The following TFEB variants were observed in gnomAD, a reference collection of about 807,000 sequenced individuals.
TFEB encodes the protein T-cell transcription factor EB.
TFEB carries 12 observed loss-of-function variants against 48.0 expected under a neutral mutation model. That is an observed-to-expected ratio of 0.25 (90% confidence interval 0.16 to 0.40). The LOEUF is 0.40. TFEB is among the 10% of genes least tolerant of loss of function. The probability of loss-of-function intolerance (pLI) is 1.00; values close to 1 mark genes in which losing one functional copy is unlikely to be tolerated. For missense variants in TFEB, 509 were observed against 640.3 expected (o/e 0.79, Z 2.21); for synonymous variants, 244 against 261.4 (o/e 0.93, Z 0.64).
intron 1 of TFEB, chr6:41,735,078 T>G (rs1393178409): frequency 4.6e-5 from 45 of 983,886 alleles, no homozygotes; most frequent in Non-Finnish European, 4.9e-5. Context: ...CCCGGTTACA[T>G]AAGGTCGCGG....
chr6:41,688,559 T>G (rs1769136004), intron 4 of TFEB, among the ~76,000 whole-genome samples: 1 of 151,988 alleles, frequency 6.6e-6, no homozygotes, highest in Admixed American at 6.6e-5. Flanking sequence ...GATACTGGAA[T>G]TTTGGAATGG....
rs975950175 is a variant in TFEB, at chr6:41,691,966, G to A, written c.-22-731C>T. 6.6e-6 allele frequency among the ~76,000 whole-genome samples: 1 copy of A among 152,010 alleles called. No homozygotes were observed. Among genetic ancestry groups the A allele is most frequent in the African/African-American group, 2.4e-5 (1 of 41,366 alleles). On this transcript the variant is annotated intron_variant, in intron 1 of 8. Coordinates refer to ENST00000373033, the MANE Select transcript of TFEB (RefSeq NM_001271944.2). This position sits in a 1 kb window ranked among gnomAD's most constrained non-coding sequence, Gnocchi z 5.2. ...CCACCTCAGGACCTTTGCACTTGCT[G>A]TTCCCTCTGCCTGGAATGCTCTCCC... is the stretch of plus-strand genomic sequence containing the variant.
At chr6:41,722,290 T>C (rs1339727855) in intron 1 of TFEB, among the ~76,000 whole-genome samples, 3 of 152,226 alleles carry the variant, frequency 2.0e-5, no homozygotes, top group East Asian at 3.8e-4. Context: ...CCATTCGCTA[T>C]ATTAATTTAA....
At chr6:41,726,590 G>T (rs959997824) in intron 1 of TFEB, among the ~76,000 whole-genome samples, 1 of 152,038 alleles carries the variant, frequency 6.6e-6, no homozygotes, top group Non-Finnish European at 1.5e-5. Flanking sequence ...ACAGGTGCGT[G>T]CCACAACACC....
At chr6:41,728,023 G>A (rs1190256031) in intron 1 of TFEB, among the ~76,000 whole-genome samples, 2 of 152,212 alleles carry the variant, frequency 1.3e-5, no homozygotes, top group African/African-American at 4.8e-5. Flanking sequence ...AAGGGCTGAG[G>A]GCCTAAACCA....
Position 41,734,837 on chromosome 6 carries a change from G to C in TFEB, c.-23+513C>G. ...AGCCCAGCCCCCGGGGCGTGGCGCC[G>C]CTCTGGCCCTCCCACTCCCCCCGCT... On this transcript the variant is annotated intron_variant, in intron 1 of 8. Coordinates refer to ENST00000373033, the MANE Select transcript of TFEB (RefSeq NM_001271944.2). The surrounding 1 kb of genome is among the most constrained non-coding windows in gnomAD (Gnocchi z 4.0). The C allele has an allele frequency of 1.1e-6, 1 of 944,174 alleles. No homozygotes were observed. Among genetic ancestry groups the C allele is most frequent in the Non-Finnish European group, 1.3e-6 (1 of 793,070 alleles). The allele number at this position is 944,174 out of a possible 1,614,324, so 58.5% of individuals were successfully genotyped here. A position where few individuals can be genotyped will look rare whatever the true frequency, so the allele number is the denominator to read the frequency against.
At chr6:41,712,292 C>T (rs1414042138) in intron 1 of TFEB, among the ~76,000 whole-genome samples, 1 of 152,176 alleles carries the variant, frequency 6.6e-6, no homozygotes, top group Admixed American at 6.5e-5. Flanking sequence ...TCCTCTTCTA[C>T]CCTGGGGACA....
chr6:41,714,231 G>A (rs139313325), intron 1 of TFEB, among the ~76,000 whole-genome samples: 97 of 152,166 alleles, frequency 6.4e-4, no homozygotes, highest in Non-Finnish European at 1.1e-3. Flanking sequence ...GTGTGTGTGC[G>A]TGTGTGTATG....
Position 41,724,477 on chromosome 6 carries a change from G to A in TFEB, c.-23+10873C>T, listed in dbSNP as rs1347498664. Among the ~76,000 whole-genome samples the A allele has an allele frequency of 6.6e-6, 1 of 152,020 alleles. No individual in the cohort carries two copies. The highest frequency in any genetic ancestry group is 1.5e-5 in the Non-Finnish European group (1 of 68,010). On this transcript the variant is annotated intron_variant, in intron 1 of 8. Coordinates refer to ENST00000373033, the MANE Select transcript of TFEB (RefSeq NM_001271944.2). The surrounding 1 kb of genome is among the most constrained non-coding windows in gnomAD (Gnocchi z 4.4). ...ATGTGAGGGAAGCCCAGAACAGTGA[G>A]GCCAGAGAGGCCCAGGGAGGATGGA...
At chr6:41,731,282 C>T (rs1771438965) in intron 1 of TFEB, among the ~76,000 whole-genome samples, 1 of 152,072 alleles carries the variant, frequency 6.6e-6, no homozygotes, top group South Asian at 2.1e-4. Context: ...CAGAGCTGTG[C>T]AAGCCACATA....
intron 1 of TFEB, chr6:41,733,744 T>C (rs1397622634): frequency 9.1e-6 from 9 of 984,442 alleles, no homozygotes; most frequent in Non-Finnish European, 1.1e-5. Context: ...GGCCAGGAAC[T>C]ATTGCTGGCT....
intron 1 of TFEB, among the ~76,000 whole-genome samples, chr6:41,719,636 C>T (rs1409414844): frequency 6.6e-6 from 1 of 152,196 alleles, no homozygotes; most frequent in Non-Finnish European, 1.5e-5. Flanking sequence ...TGTGGCAGGT[C>T]CCATTTATTC....
rs1319060113 is a variant in TFEB at position 41,723,414 on chromosome 6, C to G, written c.-23+11936G>C. 1 of 1,137,992 alleles carries G rather than the reference C, an allele frequency of 8.8e-7. No homozygotes were observed. The highest frequency in any genetic ancestry group is 1.2e-6 in the Non-Finnish European group (1 of 851,418). 70.5% of individuals were successfully genotyped at this position (1,137,992 alleles called of 1,614,324 possible). A position where few individuals can be genotyped will look rare whatever the true frequency, so the allele number is the denominator to read the frequency against. On this transcript the variant is annotated intron_variant, in intron 1 of 8. Coordinates refer to ENST00000373033, the MANE Select transcript of TFEB (RefSeq NM_001271944.2). This position sits in a 1 kb window ranked among gnomAD's most constrained non-coding sequence, Gnocchi z 6.0. Reference sequence around the variant, plus strand: ...ATGGACACACATTCACACACATGCTCACACACATGCACACACTCACACACA... The same window carrying G: ...ATGGACACACATTCACACACATGCTGACACACATGCACACACTCACACACA...
At chr6:41,697,781 C>G (rs1769687158) in intron 1 of TFEB, among the ~76,000 whole-genome samples, 1 of 152,178 alleles carries the variant, frequency 6.6e-6, no homozygotes, top group South Asian at 2.1e-4. Flanking sequence ...CGGTGTGTCC[C>G]TCCTGATGGA....
At chr6:41,697,786 G>C (rs535873338) in intron 1 of TFEB, among the ~76,000 whole-genome samples, 8 of 152,324 alleles carry the variant, frequency 5.3e-5, no homozygotes, top group Non-Finnish European at 8.8e-5. Context: ...TGTCCCTCCT[G>C]ATGGACTGCT....
At chr6:41,726,449 T>C (rs1771211898) in intron 1 of TFEB, among the ~76,000 whole-genome samples, 1 of 150,026 alleles carries the variant, frequency 6.7e-6, no homozygotes, top group Admixed American at 6.6e-5. Flanking sequence ...AGGGGTTCAC[T>C]TTTTTTTTTC....
At chr6:41,711,309 C>A (rs953896589) in intron 1 of TFEB, among the ~76,000 whole-genome samples, 1 of 152,216 alleles carries the variant, frequency 6.6e-6, no homozygotes, top group Non-Finnish European at 1.5e-5. Context: ...CCTCCTCTCC[C>A]ACACAGGCTC....
In TFEB at chr6:41,735,581, G is replaced by A. The variant is rs1042672701; in HGVS notation, c.-254C>T. 1 of 983,992 alleles carries A rather than the reference G, an allele frequency of 1.0e-6. No individual in the cohort carries two copies. Among genetic ancestry groups the A allele is most frequent in the Non-Finnish European group, 1.2e-6 (1 of 828,956 alleles). The allele number at this position is 983,992 out of a possible 1,614,324, so 61.0% of individuals were successfully genotyped here. ...TCCGCTGTCACCGAGCCCCGCGCCC[G>A]GCGCCCGGGCTCCGGCTGTCACTCC... On this transcript the variant is annotated 5_prime_UTR_variant, in exon 1 of 9. Coordinates refer to ENST00000373033, the MANE Select transcript of TFEB (RefSeq NM_001271944.2).
At chr6:41,700,469 A>AC (rs1186842324) in intron 1 of TFEB, among the ~76,000 whole-genome samples, 2 of 150,486 alleles carry the variant, frequency 1.3e-5, no homozygotes, top group Non-Finnish European at 3.0e-5. Flanking sequence ...CCGTCTCAAA[A>AC]AAAAAAAAAA....
Sources: gnomAD v4.1 joint callset for allele counts (sites outside exome capture counted in the v4.1 genomes callset) on GRCh38, gnomAD v4.1.1 for gene constraint, Gnocchi (gnomAD v3.1) non-coding constraint, MANE v1.5 for transcripts, NCBI Gene and HGNC (gene_info 2026-07-23, HGNC 2026-07-21) for gene names.